CRADD: variants seen among roughly 807,000 people sequenced by gnomAD.
The protein encoded by CRADD is death domain-containing protein CRADD.
CRADD carries 9 observed loss-of-function variants against 15.5 expected under a neutral mutation model. The observed-to-expected ratio is 0.58, with a 90% CI of 0.35 to 1.01. The LOEUF (loss-of-function observed/expected upper bound fraction) is 1.01. Ranked by LOEUF, CRADD falls within the 50% of genes least tolerant of loss-of-function variation. The pLI is 0.02. For missense variants in CRADD, 227 were observed against 250.3 expected, an observed-to-expected ratio of 0.91 and a Z score of 0.63; for synonymous variants, 118 against 107.6, an observed-to-expected ratio of 1.10 and a Z score of -0.60.
chr12:93,891,183 T>C (rs943334708), intron 2 of CRADD, among the ~76,000 whole-genome samples: 1 of 152,090 alleles, frequency 6.6e-6, no homozygotes, highest in Non-Finnish European at 1.5e-5. Context: ...TCTCTCATAT[T>C]TGGCTCAGAA....
intron 2 of CRADD, among the ~76,000 whole-genome samples, chr12:93,727,005 C>T (rs1956379992): frequency 6.6e-6 from 1 of 152,146 alleles, no homozygotes; most frequent in African/African-American, 2.4e-5. Flanking sequence ...TCGAAAGGTC[C>T]TTTTATTTTA....
chr12:93,875,029 C>T (rs746007189), intron 2 of CRADD, among the ~76,000 whole-genome samples: 3 of 151,962 alleles, frequency 2.0e-5, no homozygotes, highest in Admixed American at 6.5e-5. Flanking sequence ...TTGAAGTCTC[C>T]AGCTGTTATT....
intron 2 of CRADD, among the ~76,000 whole-genome samples, chr12:93,742,855 C>A (rs533229676): frequency 6.6e-6 from 1 of 152,232 alleles, no homozygotes; most frequent in African/African-American, 2.4e-5. Flanking sequence ...GCTCCAGATC[C>A]TGAACAGGTT....
In CRADD at chr12:93,807,981, C is replaced by CCAA. The variant is rs766067034; in HGVS notation, c.299-41989_299-41988insCAA. Among the ~76,000 whole-genome samples, 7 of 67,744 alleles carry CCAA rather than the reference C, an allele frequency of 1.0e-4. 1 individual carries two copies. The Admixed American group carries it at 1.1e-3, about 11-fold the overall frequency. 44.4% of individuals were successfully genotyped at this position (67,744 alleles called of 152,430 possible). Reference sequence around the variant, plus strand: ...ATGTTAGAAGATGGTAAGTGTTATGCAAAAAAAAAAAAAAAAAAAAGTATA... The same window carrying CCAA: ...ATGTTAGAAGATGGTAAGTGTTATGCCAAAAAAAAAAAAAAAAAAAAAAGTATA... On this transcript the variant is annotated intron_variant, in intron 2 of 2. Coordinates refer to ENST00000332896, the MANE Select transcript of CRADD (RefSeq NM_003805.5).
At chr12:93,690,663 G>C (rs1029579504) in intron 2 of CRADD, among the ~76,000 whole-genome samples, 11 of 152,224 alleles carry the variant, frequency 7.2e-5, no homozygotes, top group Non-Finnish European at 1.6e-4. Context: ...TCACAGATGA[G>C]GAGACTAAGG....
At chr12:93,844,185 G>A (rs1958084947) in intron 2 of CRADD, among the ~76,000 whole-genome samples, 1 of 152,130 alleles carries the variant, frequency 6.6e-6, no homozygotes, top group Non-Finnish European at 1.5e-5. Context: ...TGTTCATCTT[G>A]CACTCCGCTA....
chr12:93,696,163 A>T (rs554166633), intron 2 of CRADD, among the ~76,000 whole-genome samples: 1 of 152,356 alleles, frequency 6.6e-6, no homozygotes, highest in South Asian at 2.1e-4. Flanking sequence ...TATAGTCATT[A>T]TGGAAAACAG....
At chr12:93,869,626 G>C (rs982458094) in intron 2 of CRADD, among the ~76,000 whole-genome samples, 9 of 151,880 alleles carry the variant, frequency 5.9e-5, no homozygotes, top group African/African-American at 2.2e-4. Flanking sequence ...TCTCAGAACT[G>C]AAAAATACAA....
chr12:93,705,281 A>G (rs1955922194), intron 2 of CRADD, among the ~76,000 whole-genome samples: 1 of 152,196 alleles, frequency 6.6e-6, no homozygotes, highest in Non-Finnish European at 1.5e-5. Context: ...ATTAAATGAA[A>G]TGTTTAAAAT....
chr12:93,756,920 T>C (rs951417505), intron 2 of CRADD, among the ~76,000 whole-genome samples: 1 of 152,110 alleles, frequency 6.6e-6, no homozygotes, highest in African/African-American at 2.4e-5. Context: ...GTCTTGAGGC[T>C]GAACCCGCCA....
chr12:93,738,860 GGAAA>G (rs755225094), intron 2 of CRADD, among the ~76,000 whole-genome samples: 13 of 151,962 alleles, frequency 8.6e-5, no homozygotes, highest in Non-Finnish European at 1.8e-4. Flanking sequence ...AGAGAAACGA[GGAAA>G]GGAAGGAAGG....
chr12:93,798,825 G>A (rs982024569), intron 2 of CRADD, among the ~76,000 whole-genome samples: 2 of 152,200 alleles, frequency 1.3e-5, no homozygotes, highest in Admixed American at 1.3e-4. Flanking sequence ...AGGTGAGTCC[G>A]AGGAAAGCAG....
chr12:93,746,288 C>A (rs576185753), intron 2 of CRADD, among the ~76,000 whole-genome samples: 1 of 152,158 alleles, frequency 6.6e-6, no homozygotes, highest in Non-Finnish European at 1.5e-5. Flanking sequence ...CAATAAAAAT[C>A]ATAAAAACAC....
intron 2 of CRADD, among the ~76,000 whole-genome samples, chr12:93,728,185 C>T (rs147412961): frequency 1.3e-5 from 2 of 152,276 alleles, no homozygotes; most frequent in Admixed American, 6.5e-5. Flanking sequence ...TACCCTTCCA[C>T]GGAAACAATT....
intron 2 of CRADD, among the ~76,000 whole-genome samples, chr12:93,803,417 A>G (rs1315796232): frequency 6.6e-6 from 1 of 152,188 alleles, no homozygotes; most frequent in Admixed American, 6.5e-5. Flanking sequence ...CCACTCCTCT[A>G]TCGTATTCAC....
At chr12:93,865,250 C>G (rs1170031156) in intron 2 of CRADD, among the ~76,000 whole-genome samples, 4 of 152,180 alleles carry the variant, frequency 2.6e-5, no homozygotes, top group Non-Finnish European at 4.4e-5. Flanking sequence ...TCCCCCAACC[C>G]CTGCCTAGTT....
chr12:93,849,752 A>G (rs1958186572), intron 2 of CRADD, among the ~76,000 whole-genome samples: 1 of 151,982 alleles, frequency 6.6e-6, no homozygotes, highest in Non-Finnish European at 1.5e-5. Flanking sequence ...AAAAAAAAAA[A>G]AAAAAAAGTT....
intron 2 of CRADD, chr12:93,738,323 C>T (rs1288341188): frequency 1.4e-6 from 1 of 700,600 alleles, no homozygotes; most frequent in Non-Finnish European, 2.6e-6. Context: ...CAGGCATGGG[C>T]CCTGGAACTC....
Position 93,855,889 on chromosome 12 carries a change from C to T in CRADD, c.299-38161C>T, listed in dbSNP as rs1316065008. On this transcript the variant is annotated intron_variant, in intron 2 of 2. Coordinates refer to the CRADD transcript ENST00000548483. ...CTGGAGTGCTGTGGCATGATCTTGGCTCACTGCAATCTCCACCTCCCTGGT... is the reference window on the plus strand; with the variant it reads ...CTGGAGTGCTGTGGCATGATCTTGGTTCACTGCAATCTCCACCTCCCTGGT... Among the ~76,000 whole-genome samples, 3 of 152,240 alleles carry T rather than the reference C, an allele frequency of 2.0e-5. No homozygotes were observed. The South Asian group carries it at 6.2e-4, about 31-fold the overall frequency.
Sources: allele counts gnomAD v4.1 joint callset (sites outside exome capture counted in the v4.1 genomes callset), GRCh38; gene constraint gnomAD v4.1.1; transcripts MANE v1.5; gene names NCBI Gene and HGNC (gene_info 2026-07-23, HGNC 2026-07-21).